Variants in PLA2G5 observed in about 807,000 individuals in gnomAD.
PLA2G5 encodes phospholipase A2 group V, also known as Ca2+-dependent phospholipase A2.
Under a neutral mutation model 15.9 loss-of-function variants are expected in PLA2G5, and 12 were observed. That is an observed-to-expected ratio of 0.76 (90% CI 0.48 to 1.23). The LOEUF is 1.23. Ranked by LOEUF, PLA2G5 falls within the 50% of genes most tolerant of loss-of-function variation. The pLI is 0.00. For synonymous variants in PLA2G5, 71 were observed against 71.4 expected, an observed-to-expected ratio of 0.99 and a Z score of 0.03; for missense variants, 169 against 177.1, an observed-to-expected ratio of 0.95 and a Z score of 0.26.
intron 1 of PLA2G5, among the ~76,000 whole-genome samples, chr1:20,058,472 G>A (rs1024799480): frequency 6.6e-6 from 1 of 152,042 alleles, no homozygotes; most frequent in African/African-American, 2.4e-5. Context: ...AGTATTAGTA[G>A]GGTATATCTT....
chr1:20,033,389 G>A (rs895649084), intron 1 of PLA2G5, among the ~76,000 whole-genome samples: 4 of 152,190 alleles, frequency 2.6e-5, no homozygotes, highest in African/African-American at 9.7e-5. Flanking sequence ...CAGGTTAAGA[G>A]CTTTAATCTC....
intron 1 of PLA2G5, among the ~76,000 whole-genome samples, chr1:20,075,885 T>C (rs2015640096): frequency 6.7e-6 from 1 of 149,436 alleles, no homozygotes; most frequent in African/African-American, 2.5e-5. Flanking sequence ...TTTTTTTTTT[T>C]TTTTGAGACA....
intron 4 of PLA2G5, among the ~76,000 whole-genome samples, chr1:20,090,246 GGGAT>G (rs1386539756): frequency 2.0e-5 from 3 of 152,156 alleles, no homozygotes; most frequent in Non-Finnish European, 2.9e-5. Flanking sequence ...GCTAAATCTG[GGGAT>G]GGTTCTGCTC....
At chr1:20,053,398 A>G (rs1193903366) in intron 1 of PLA2G5, among the ~76,000 whole-genome samples, 3 of 152,172 alleles carry the variant, frequency 2.0e-5, no homozygotes, top group Non-Finnish European at 4.4e-5. Flanking sequence ...CTTATGGTAT[A>G]CCATAAAAGT....
intron 1 of PLA2G5, among the ~76,000 whole-genome samples, chr1:20,038,785 GA>G (rs1056581910): frequency 6.6e-6 from 1 of 151,818 alleles, no homozygotes; most frequent in South Asian, 2.1e-4. Flanking sequence ...CTCAAAAAAA[GA>G]AAAAAAGGAT....
At chr1:20,039,814 A>T (rs2013486992) in intron 1 of PLA2G5, among the ~76,000 whole-genome samples, 1 of 152,344 alleles carries the variant, frequency 6.6e-6, no homozygotes, top group South Asian at 2.1e-4. Flanking sequence ...GATCACAAAA[A>T]GAATAGACCT....
Position 20,049,281 on chromosome 1 carries a change from GC to G in PLA2G5, n.277-10350del, listed in dbSNP as rs774059765. Among the ~76,000 whole-genome samples the G allele has an allele frequency of 3.5e-4, 53 of 152,094 alleles. 1 individual carries two copies. The highest frequency in any genetic ancestry group is 1.0e-3 in the African/African-American group (42 of 41,496). ...ACAATAAGAGGATTTATTTTAAAAA[GC>G]TTTTACACGATCAAGTTGTCTATAA... On this transcript the variant is annotated intron_variant and non_coding_transcript_variant, in intron 1 of 6. Transcript: ENST00000460175.
chr1:20,032,997 G>A (rs778105767), intron 1 of PLA2G5, among the ~76,000 whole-genome samples: 2 of 152,176 alleles, frequency 1.3e-5, no homozygotes, highest in Admixed American at 6.5e-5. Flanking sequence ...GATTCCTTTT[G>A]TAGTTAGAAA....
At chr1:20,031,222 G>C (rs967286541) in intron 1 of PLA2G5, among the ~76,000 whole-genome samples, 1 of 152,186 alleles carries the variant, frequency 6.6e-6, no homozygotes, top group East Asian at 1.9e-4. Flanking sequence ...ATTTTGGACC[G>C]GGTTCGTGTG....
At position 20,090,929 on chromosome 1, in the gene PLA2G5, C is replaced by A. The variant is rs1012004435; in HGVS notation, c.*237C>A. 4.5e-6 allele frequency: 2 copies of A among 445,010 alleles called. No homozygotes were observed. Among genetic ancestry groups the A allele is most frequent in the Non-Finnish European group, 8.1e-6 (2 of 247,692 alleles). 27.6% of individuals were successfully genotyped at this position (445,010 alleles called of 1,614,324 possible). ...CTAGGCCTCCACTTCTGAGGGCAGC[C>A]CCTCTGGTGCCAAGAGCTCTCCTCC... On this transcript the variant is annotated 3_prime_UTR_variant, in exon 5 of 5. Coordinates refer to ENST00000375108, the MANE Select transcript of PLA2G5 (RefSeq NM_000929.3).
chr1:20,083,453 T>C (rs2100608342), intron 1 of PLA2G5, among the ~76,000 whole-genome samples: 1 of 151,788 alleles, frequency 6.6e-6, no homozygotes, highest in South Asian at 2.1e-4. Context: ...AACAGAGCAC[T>C]GAAGGGGAGA....
chr1:20,035,463 C>G (rs1222838336), intron 1 of PLA2G5, among the ~76,000 whole-genome samples: 1 of 152,266 alleles, frequency 6.6e-6, no homozygotes, highest in South Asian at 2.1e-4. Flanking sequence ...TTCACTTTGA[C>G]GAAGGTCTGC....
At chr1:20,060,250 T>C (rs76611738) in intron 2 of PLA2G5, among the ~76,000 whole-genome samples, 5 of 103,722 alleles carry the variant, frequency 4.8e-5, no homozygotes, top group African/African-American at 7.3e-5. Context: ...TTTTCTTCTT[T>C]TTTTTTTTTT....
Position 20,033,782 on chromosome 1 carries a change from T to A in PLA2G5, n.276+5073T>A, listed in dbSNP as rs1051311830. Among the ~76,000 whole-genome samples the A allele has an allele frequency of 9.9e-5, 15 of 151,914 alleles. No homozygotes were observed. In the South Asian group the frequency reaches 1.3e-3, roughly 13 times the overall value. ...GGTCATTAAAAGGGCATTTTTTTTT[T>A]AAAGTTTTTAAAGTGGTAGTTGATG... On this transcript the variant is annotated intron_variant and non_coding_transcript_variant, in intron 1 of 6. Transcript: ENST00000460175.
intron 1 of PLA2G5, among the ~76,000 whole-genome samples, chr1:20,075,915 AGGAT>A (rs1478136896): frequency 7.7e-6 from 1 of 129,506 alleles, no homozygotes; most frequent in African/African-American, 3.1e-5. Flanking sequence ...TCTGTCCCCC[AGGAT>A]GGTGTGCAGT....
intron 1 of PLA2G5, among the ~76,000 whole-genome samples, chr1:20,078,919 C>A (rs560776158): frequency 1.3e-5 from 2 of 151,018 alleles, no homozygotes; most frequent in South Asian, 2.1e-4. Context: ...CTAGCCTGGG[C>A]AACATGGTGG....
chr1:20,036,876 G>A (rs547888375), intron 1 of PLA2G5, among the ~76,000 whole-genome samples: 6 of 151,764 alleles, frequency 4.0e-5, no homozygotes, highest in South Asian at 2.1e-4. Flanking sequence ...TGTTGGTCAC[G>A]CTGGTCTCGA....
chr1:20,057,457 A>G (rs909077787), intron 1 of PLA2G5, among the ~76,000 whole-genome samples: 1 of 151,824 alleles, frequency 6.6e-6, no homozygotes, highest in Admixed American at 6.6e-5. Flanking sequence ...TCTTTTGATT[A>G]GTATTAGTAT....
chr1:20,057,938 G>A (rs1337098522), intron 1 of PLA2G5, among the ~76,000 whole-genome samples: 3 of 151,918 alleles, frequency 2.0e-5, no homozygotes, highest in African/African-American at 7.3e-5. Context: ...AGATTTTCTA[G>A]CTATCTTATG....
Sources: gnomAD v4.1 joint callset for allele counts (sites outside exome capture counted in the v4.1 genomes callset) on GRCh38, gnomAD v4.1.1 for gene constraint, MANE v1.5 for transcripts, NCBI Gene and HGNC (gene_info 2026-07-23, HGNC 2026-07-21) for gene names.